The following PTPN1 variants were observed in gnomAD, a reference collection of about 807,000 sequenced individuals.
PTPN1 encodes the protein protein tyrosine phosphatase non-receptor type 1.
PTPN1 carries 12 observed loss-of-function variants against 59.9 expected under a neutral mutation model. The ratio of observed to expected loss-of-function variants is 0.20; its 90% CI spans 0.13 to 0.32. The LOEUF is 0.32. Ranked by LOEUF, PTPN1 falls within the 10% of genes least tolerant of loss-of-function variation. The pLI is 1.00. For synonymous variants in PTPN1, 178 were observed against 203.6 expected (o/e 0.87, Z 1.07); for missense variants, 356 against 549.2 (o/e 0.65, Z 3.52).
intron 9 of PTPN1, 38 bp downstream of exon 9, chr20:50,581,498 G>T (rs141824200): frequency 1.3e-6 from 2 of 1,570,480 alleles, no homozygotes; most frequent in Admixed American, 1.7e-5. Context: ...CGAGATGCTC[G>T]TGTGCAGAGA....
intron 1 of PTPN1, among the ~76,000 whole-genome samples, chr20:50,554,707 T>C (rs751878139): frequency 1.3e-5 from 2 of 152,200 alleles, no homozygotes; most frequent in Non-Finnish European, 2.9e-5. Flanking sequence ...GCTGTTGTCG[T>C]ATTTTTGGTA....
intron 1 of PTPN1, among the ~76,000 whole-genome samples, chr20:50,524,486 A>G (rs551277854): frequency 2.6e-5 from 4 of 151,420 alleles, no homozygotes; most frequent in South Asian, 2.1e-4. Context: ...AGCTGCCACT[A>G]TGAGAATAAA....
intron 1 of PTPN1, among the ~76,000 whole-genome samples, chr20:50,553,024 A>G (rs1398232871): frequency 6.6e-6 from 1 of 152,080 alleles, no homozygotes; most frequent in African/African-American, 2.4e-5. Context: ...TTTAGTACTT[A>G]TCAGCTGACA....
intron 4 of PTPN1, among the ~76,000 whole-genome samples, chr20:50,569,687 C>T (rs553153630): frequency 4.0e-5 from 6 of 149,890 alleles, no homozygotes; most frequent in East Asian, 2.0e-4. Context: ...TGTAGACCGT[C>T]GTGTATAGAC....
chr20:50,568,320 G>A lies in PTPN1; in HGVS notation c.256-60G>A. ...GTCGTTAGCTGACTGCAGAAGGTGAGCACACGCTGTAGCATGTTATGTTTC... is the reference window on the plus strand; with the variant it reads ...GTCGTTAGCTGACTGCAGAAGGTGAACACACGCTGTAGCATGTTATGTTTC... On this transcript the variant is annotated intron_variant, in intron 3 of 9. Transcript: ENST00000371621. The surrounding 1 kb of genome is among the most constrained non-coding windows in gnomAD (Gnocchi z 5.6). The A allele has an allele frequency of 6.9e-7, 1 of 1,447,748 alleles. No homozygotes were observed. The highest frequency in any genetic ancestry group is 9.7e-7 in the Non-Finnish European group (1 of 1,029,212). 89.7% of individuals were successfully genotyped at this position (1,447,748 alleles called of 1,614,324 possible). A position where few individuals can be genotyped will look rare whatever the true frequency, so the allele number is the denominator to read the frequency against.
At chr20:50,540,609 GTCAC>G (rs1198906893) in intron 1 of PTPN1, among the ~76,000 whole-genome samples, 3 of 152,138 alleles carry the variant, frequency 2.0e-5, no homozygotes, top group Non-Finnish European at 4.4e-5. Flanking sequence ...TACAAACCAT[GTCAC>G]TCAGGGATTG....
At chr20:50,514,457 A>G (rs1428222939) in intron 1 of PTPN1, among the ~76,000 whole-genome samples, 1 of 152,180 alleles carries the variant, frequency 6.6e-6, no homozygotes, top group African/African-American at 2.4e-5. Context: ...CTCTTTGTTA[A>G]AGAAAACTGT....
intron 4 of PTPN1, among the ~76,000 whole-genome samples, chr20:50,570,699 T>C (rs768387162): frequency 5.3e-5 from 8 of 152,194 alleles, no homozygotes; most frequent in Non-Finnish European, 1.2e-4. Flanking sequence ...CTACTGACAC[T>C]TGGGCTGGAT....
At chr20:50,579,389 G>A in intron 7 of PTPN1, 60 bp downstream of exon 7, 2 of 1,554,654 alleles carry the variant, frequency 1.3e-6, no homozygotes, top group Non-Finnish European at 1.8e-6. Context: ...GTCTTTGAAG[G>A]AGGCTGTCAG....
chr20:50,539,595 C>G (rs917242263), intron 1 of PTPN1, among the ~76,000 whole-genome samples: 1 of 147,892 alleles, frequency 6.8e-6, no homozygotes, highest in African/African-American at 2.5e-5. Context: ...TTATAAGTGA[C>G]TTAGGGTTTT....
chr20:50,574,652 A>G lies in PTPN1; in HGVS notation c.490A>G (p.Thr164Ala), dbSNP rs1392325234. The change falls in exon 5 of 10, where the codon ACA becomes GCA. Residue 164 changes from threonine to alanine, a missense_variant and splice_region_variant. Around this residue, in one of 3 missense-constraint regions of PTPN1, gnomAD observed 194 missense variants for 344.2 expected, o/e 0.56. Transcript: ENST00000371621. The stretch of plus-strand genomic sequence containing the variant: ...GCGACAGCTAGAATTGGAAAACCTT[A>G]CAGTGAGTATAGCACACACTTCAGC... ...TVRQLELENL[T>A]TQETREILHF... is the part of the protein sequence containing the mutation. 1.9e-6 allele frequency: 3 copies of G among 1,604,664 alleles called. No homozygotes were observed. The highest frequency in any genetic ancestry group is 2.5e-6 in the Non-Finnish European group (3 of 1,177,096).
intron 1 of PTPN1, 130 bp from the exon 2 acceptor site, chr20:50,561,233 G>A: frequency 1.5e-6 from 1 of 675,248 alleles, no homozygotes. Context: ...TTTCCCCCAT[G>A]GCCTGGTACA....
intron 1 of PTPN1, among the ~76,000 whole-genome samples, chr20:50,552,950 T>C (rs1207630714): frequency 2.0e-5 from 3 of 152,200 alleles, no homozygotes; most frequent in Non-Finnish European, 4.4e-5. Context: ...GTGACCATCC[T>C]ACTTATTATA....
rs1471627685 is a variant in PTPN1 at position 50,568,071 on chromosome 20, G to C, written c.256-309G>C. Among the ~76,000 whole-genome samples, 1 of 152,200 alleles carries C rather than the reference G, an allele frequency of 6.6e-6. No homozygotes were observed. The highest frequency in any genetic ancestry group is 1.5e-5 in the Non-Finnish European group (1 of 68,038). On this transcript the variant is annotated intron_variant, in intron 3 of 9. Coordinates refer to ENST00000371621, the MANE Select transcript of PTPN1 (RefSeq NM_002827.4). The surrounding 1 kb of genome is among the most constrained non-coding windows in gnomAD (Gnocchi z 5.6). ...TTGTCCCATAGCCCAAGGGCCTTGGGGACGAATCTCAGTGGAGGCCCTTAG... is the reference window on the plus strand; with the variant it reads ...TTGTCCCATAGCCCAAGGGCCTTGGCGACGAATCTCAGTGGAGGCCCTTAG...
chr20:50,563,893 T>C (rs1038776291), intron 2 of PTPN1, among the ~76,000 whole-genome samples: 19 of 152,204 alleles, frequency 1.2e-4, no homozygotes, highest in African/African-American at 4.6e-4. Flanking sequence ...AAAAAGTGGC[T>C]TTTTAATTTT....
chr20:50,510,424 GT>G lies in PTPN1; in HGVS notation c.-103del, dbSNP rs915909596. 1 of 1,299,396 alleles carries G rather than the reference GT, an allele frequency of 7.7e-7. No individual in the cohort carries two copies. The highest frequency in any genetic ancestry group is 1.5e-5 in the African/African-American group (1 of 65,544). The allele number at this position is 1,299,396 out of a possible 1,614,324, so 80.5% of individuals were successfully genotyped here. On this transcript the variant is annotated 5_prime_UTR_variant, in exon 1 of 10. Transcript: ENST00000371621. Reference sequence around the variant, plus strand: ...GGCTAGGGCGGCGGTAGCTGCAGGGGTCGGGGATTGCAGCGGGCCTCGGGGC... The same window carrying G: ...GGCTAGGGCGGCGGTAGCTGCAGGGGCGGGGATTGCAGCGGGCCTCGGGGC...
intron 4 of PTPN1, among the ~76,000 whole-genome samples, chr20:50,569,173 C>T (rs147648789): frequency 6.6e-4 from 101 of 152,306 alleles, no homozygotes; most frequent in Non-Finnish European, 8.5e-4. Context: ...AGTCTCACCA[C>T]GGTTCTTCCC....
intron 1 of PTPN1, among the ~76,000 whole-genome samples, chr20:50,530,793 G>A (rs1042479575): frequency 1.8e-4 from 27 of 149,792 alleles, no homozygotes; most frequent in South Asian, 6.4e-4. Flanking sequence ...TCCTGGGCTC[G>A]AATGATCCTC....
At chr20:50,526,697 T>G (rs981464178) in intron 1 of PTPN1, among the ~76,000 whole-genome samples, 4 of 152,130 alleles carry the variant, frequency 2.6e-5, no homozygotes, top group Non-Finnish European at 5.9e-5. Flanking sequence ...GTTTTCTCCT[T>G]TATTCAGATT....
Sources: gnomAD v4.1 joint callset for allele counts (sites outside exome capture counted in the v4.1 genomes callset) on GRCh38, gnomAD v4.1.1 for gene constraint, gnomAD v4.1.1 regional missense constraint, Gnocchi (gnomAD v3.1) non-coding constraint, MANE v1.5 for transcripts, NCBI Gene and HGNC (gene_info 2026-07-23, HGNC 2026-07-21) for gene names.